Variants in APLP2 observed in about 807,000 individuals in gnomAD.
The protein encoded by APLP2 is CDEI box-binding protein.
APLP2 carries 53 observed loss-of-function variants against 89.9 expected under a neutral mutation model. The ratio of observed to expected loss-of-function variants is 0.59; its 90% CI spans 0.47 to 0.74. The LOEUF is 0.74. APLP2 is among the 30% of genes least tolerant of loss of function. The pLI, the probability that APLP2 is intolerant of heterozygous loss-of-function variation, is 0.00. For missense variants in APLP2, 973 were observed against 975.9 expected, an observed-to-expected ratio of 1.00 and a Z score of 0.04; for synonymous variants, 372 against 348.6, an observed-to-expected ratio of 1.07 and a Z score of -0.75.
intron 3 of APLP2, among the ~76,000 whole-genome samples, chr11:130,120,150 T>C (rs989771723): frequency 1.3e-5 from 2 of 152,228 alleles, no homozygotes; most frequent in South Asian, 4.1e-4. Flanking sequence ...TTGCTCGTTA[T>C]CAGTGGTGTT....
chr11:130,130,232 C>T (rs1184348874), intron 11 of APLP2, 66 bp downstream of exon 11: 7 of 1,604,100 alleles, frequency 4.4e-6, no homozygotes, highest in Admixed American at 1.7e-5. Flanking sequence ...AATGCCTTGA[C>T]TAATGGTTGA....
intron 2 of APLP2, among the ~76,000 whole-genome samples, chr11:130,110,031 G>A (rs1354623284): frequency 6.6e-6 from 1 of 152,154 alleles, no homozygotes; most frequent in Non-Finnish European, 1.5e-5. Flanking sequence ...ATAGAGACAG[G>A]GTCTTGCTAC....
intron 1 of APLP2, chr11:130,101,628 G>A (rs917643336): frequency 1.2e-5 from 2 of 171,526 alleles, no homozygotes; most frequent in African/African-American, 4.8e-5. Context: ...TGAAATCTAG[G>A]CATATAATAA....
At chr11:130,089,820 G>C (rs1276621069) in intron 1 of APLP2, among the ~76,000 whole-genome samples, 1 of 152,210 alleles carries the variant, frequency 6.6e-6, no homozygotes, top group African/African-American at 2.4e-5. Context: ...CGCTCCCTCT[G>C]TGTGCATGCA....
At chr11:130,079,161 C>T (rs1026471911) in intron 1 of APLP2, among the ~76,000 whole-genome samples, 7 of 151,798 alleles carry the variant, frequency 4.6e-5, no homozygotes, top group African/African-American at 1.7e-4. Context: ...TGCAGTGGTG[C>T]AGTCTCTGCT....
intron 13 of APLP2, chr11:130,139,370 A>G (rs767762287): frequency 6.6e-6 from 1 of 152,216 alleles, no homozygotes; most frequent in Non-Finnish European, 1.5e-5. Flanking sequence ...GCATGTCCTC[A>G]TGTTGAAGTC....
intron 11 of APLP2, among the ~76,000 whole-genome samples, chr11:130,132,352 A>G (rs1951020867): frequency 6.6e-6 from 1 of 152,140 alleles, no homozygotes; most frequent in Admixed American, 6.5e-5. Context: ...GCATCTTTCC[A>G]TTTAGCTTTT....
At chr11:130,140,090 G>A (rs761943577) in intron 13 of APLP2, among the ~76,000 whole-genome samples, 9 of 152,208 alleles carry the variant, frequency 5.9e-5, no homozygotes, top group African/African-American at 2.2e-4. Context: ...GATGCCCCTC[G>A]GCTCCGCTTC....
intron 1 of APLP2, among the ~76,000 whole-genome samples, chr11:130,103,867 A>G (rs1947276276): frequency 6.6e-6 from 1 of 152,194 alleles, no homozygotes; most frequent in Non-Finnish European, 1.5e-5. Flanking sequence ...AAAATATAGA[A>G]GGCCAGAGGG....
At chr11:130,095,332 A>G (rs1412822746) in intron 1 of APLP2, among the ~76,000 whole-genome samples, 1 of 152,216 alleles carries the variant, frequency 6.6e-6, no homozygotes, top group Admixed American at 6.5e-5. Flanking sequence ...TCATTGCACC[A>G]CTGCACTCCA....
intron 7 of APLP2, among the ~76,000 whole-genome samples, chr11:130,125,616 T>C (rs1950292466): frequency 6.6e-6 from 1 of 152,240 alleles, no homozygotes; most frequent in Non-Finnish European, 1.5e-5. Flanking sequence ...GGCTGGCTAA[T>C]TTGTAGCTGT....
Position 130,122,409 on chromosome 11 carries a change from A to T in APLP2, c.818A>T (p.Tyr273Phe). 7 of 1,614,194 alleles carry T rather than the reference A, an allele frequency of 4.3e-6. No individual in the cohort carries two copies. In the South Asian group the frequency reaches 6.6e-5, roughly 15 times the overall value. The change falls in exon 6 of 17, where the codon TAC (tyrosine) becomes TTC (phenylalanine). Residue 273 changes from tyrosine (Y) to phenylalanine (F), a missense_variant. By Grantham distance (22) the Tyr-to-Phe change is conservative. Coordinates refer to ENST00000338167, the MANE Select transcript of APLP2 (RefSeq NM_001142276.2). ...GAGGAAGTGGTGGAGGACCGAGATT[A>T]CTACTATGACACCTTCAAAGGAGAT... ...EGEEVVEDRD[Y>F]YYDTFKGDDY...
At chr11:130,081,472 G>A (rs1045340185) in intron 1 of APLP2, among the ~76,000 whole-genome samples, 10 of 152,162 alleles carry the variant, frequency 6.6e-5, no homozygotes, top group African/African-American at 2.2e-4. Flanking sequence ...GAGGGAAAAT[G>A]TTTATTTTAT....
chr11:130,082,912 C>T (rs1363789962), intron 1 of APLP2: 1 of 152,272 alleles, frequency 6.6e-6, no homozygotes, highest in African/African-American at 2.4e-5. Flanking sequence ...TTACACATGT[C>T]AGCCACAAGA....
chr11:130,090,145 T>G (rs1231043559), intron 1 of APLP2, among the ~76,000 whole-genome samples: 1 of 152,216 alleles, frequency 6.6e-6, no homozygotes, highest in African/African-American at 2.4e-5. Flanking sequence ...CTTATGATCT[T>G]GGGAATACTT....
At chr11:130,092,166 C>T (rs1465229887) in intron 1 of APLP2, among the ~76,000 whole-genome samples, 2 of 137,890 alleles carry the variant, frequency 1.5e-5, no homozygotes, top group Non-Finnish European at 3.1e-5. Flanking sequence ...GATGTGATGG[C>T]GGCTGGGAAG....
chr11:130,070,156 G>A, intron 1 of APLP2, 74 bp downstream of exon 1: 2 of 1,082,830 alleles, frequency 1.8e-6, no homozygotes, highest in African/African-American at 1.7e-5. Flanking sequence ...GCGGGCAGCG[G>A]GGTCCGCGGC....
chr11:130,104,959 G>A (rs1000744439), intron 1 of APLP2, among the ~76,000 whole-genome samples: 1 of 152,116 alleles, frequency 6.6e-6, no homozygotes, highest in Non-Finnish European at 1.5e-5. Context: ...AATAAGCTTC[G>A]AAGCAAAACA....
chr11:130,122,769 G>T (rs954693288), intron 6 of APLP2, among the ~76,000 whole-genome samples: 1 of 152,164 alleles, frequency 6.6e-6, no homozygotes, highest in Non-Finnish European at 1.5e-5. Context: ...AACGTAGTCC[G>T]CCCTTCAGCA....
Sources: gnomAD v4.1 joint callset for allele counts (sites outside exome capture counted in the v4.1 genomes callset) on GRCh38, gnomAD v4.1.1 for gene constraint, MANE v1.5 for transcripts, NCBI Gene and HGNC (gene_info 2026-07-23, HGNC 2026-07-21) for gene names.